Variants in ZSCAN25 observed in about 807,000 individuals in gnomAD.
ZSCAN25 encodes the protein zinc finger and SCAN domain containing 25.
ZSCAN25 carries 27 observed loss-of-function variants against 38.7 expected under a neutral mutation model. The observed-to-expected ratio is 0.70, with a 90% confidence interval of 0.51 to 0.96. The LOEUF is 0.96. ZSCAN25 is among the 40% of genes least tolerant of loss of function. ZSCAN25 has a pLI of 0.00. For synonymous variants in ZSCAN25, 273 were observed against 277.7 expected (o/e 0.98, Z 0.17); for missense variants, 637 against 705.9 (o/e 0.90, Z 1.11).
the ZSCAN25 span, chr7:99,671,698 A>G: frequency 1.6e-6 from 1 of 633,362 alleles, no homozygotes; most frequent in Non-Finnish European, 2.8e-6. Context: ...TAACACCAAA[A>G]GAACAATCCA....
At chr7:99,709,393 A>G in the ZSCAN25 span, 1 of 1,375,596 alleles carries the variant, frequency 7.3e-7, no homozygotes. Flanking sequence ...TAGCATTCAT[A>G]AAGTATTTTA....
chr7:99,714,041 C>T, the ZSCAN25 span, among the ~76,000 whole-genome samples: 1 of 152,162 alleles, frequency 6.6e-6, no homozygotes, highest in Admixed American at 6.5e-5. Context: ...GCCTTGCAGC[C>T]TCAATTCCCA....
In ZSCAN25 at chr7:99,630,022, C is replaced by T; in HGVS notation, c.*2C>T. ...CGCCAGGAGCCGCTGGTGCAGTGAG[C>T]ATAGCAGGTGGCAGGCAGCACCATC... On this transcript the variant is annotated 3_prime_UTR_variant, in exon 8 of 8. Transcript: ENST00000394152. The T allele has an allele frequency of 6.5e-7, 1 of 1,528,608 alleles. No individual in the cohort carries two copies. Among genetic ancestry groups the T allele is most frequent in the Non-Finnish European group, 8.8e-7 (1 of 1,137,454 alleles). The allele number at this position is 1,528,608 out of a possible 1,614,324, so 94.7% of individuals were successfully genotyped here.
the ZSCAN25 span, chr7:99,679,797 C>G: frequency 4.3e-6 from 7 of 1,612,182 alleles, 1 homozygote; most frequent in African/African-American, 5.3e-5. Flanking sequence ...TCCAAGGAAA[C>G]AAAGAGAGGA....
the ZSCAN25 span, among the ~76,000 whole-genome samples, chr7:99,650,887 C>G: frequency 6.6e-6 from 1 of 152,180 alleles, no homozygotes; most frequent in East Asian, 1.9e-4. Context: ...GTCATCCCTG[C>G]TTTCCTTGAT....
At chr7:99,711,133 G>A in the ZSCAN25 span, among the ~76,000 whole-genome samples, 2 of 152,076 alleles carry the variant, frequency 1.3e-5, no homozygotes, top group Admixed American at 6.6e-5. Context: ...GCTCCTCCTC[G>A]TGCCATCCCT....
chr7:99,723,485 G>A, the ZSCAN25 span, among the ~76,000 whole-genome samples: 4 of 152,116 alleles, frequency 2.6e-5, no homozygotes, highest in Non-Finnish European at 4.4e-5. Context: ...ACTCCTTTTC[G>A]GACTCAGTCA....
chr7:99,706,924 A>G, the ZSCAN25 span, among the ~76,000 whole-genome samples: 1 of 152,222 alleles, frequency 6.6e-6, no homozygotes, highest in African/African-American at 2.4e-5. Context: ...GGAGGGGGGA[A>G]GACATTCTTA....
intron 4 of ZSCAN25, chr7:99,621,140 C>T (rs1016798857): frequency 5.5e-6 from 2 of 360,454 alleles, no homozygotes; most frequent in Non-Finnish European, 9.8e-6. Context: ...GTAGAGGGGA[C>T]CCTTGTCAAA....
the ZSCAN25 span, among the ~76,000 whole-genome samples, chr7:99,650,752 C>T: frequency 2.6e-5 from 4 of 152,168 alleles, no homozygotes; most frequent in Non-Finnish European, 5.9e-5. Flanking sequence ...TCCTCTGCCT[C>T]CTTCTCCTCC....
At chr7:99,670,554 A>G in the ZSCAN25 span, among the ~76,000 whole-genome samples, 2 of 152,212 alleles carry the variant, frequency 1.3e-5, no homozygotes, top group African/African-American at 2.4e-5. Flanking sequence ...GTCGACATAT[A>G]TATGTTACCT....
chr7:99,667,489 A>G, the ZSCAN25 span, among the ~76,000 whole-genome samples: 1 of 152,246 alleles, frequency 6.6e-6, no homozygotes, highest in Non-Finnish European at 1.5e-5. Context: ...AGCATGGGCA[A>G]CTTGAAAAAG....
At chr7:99,670,651 T>C in the ZSCAN25 span, among the ~76,000 whole-genome samples, 1 of 152,234 alleles carries the variant, frequency 6.6e-6, no homozygotes, top group Admixed American at 6.5e-5. Flanking sequence ...TGGACTTTTG[T>C]AAGACCTGTC....
downstream of ZSCAN25, among the ~76,000 whole-genome samples, chr7:99,634,367 G>A (rs1433756299): frequency 6.6e-6 from 1 of 152,180 alleles, no homozygotes; most frequent in Non-Finnish European, 1.5e-5. Flanking sequence ...AAATAAGCTG[G>A]TTTCAGCCAG....
chr7:99,720,563 C>T, the ZSCAN25 span: 1 of 834,664 alleles, frequency 1.2e-6, no homozygotes, highest in South Asian at 1.7e-5. Flanking sequence ...TTAGGTATAA[C>T]TCACAGCAAG....
the ZSCAN25 span, chr7:99,714,405 C>A: frequency 3.0e-6 from 4 of 1,315,906 alleles, no homozygotes; most frequent in Non-Finnish European, 3.0e-6. Context: ...TTCTGCATTC[C>A]TACCAAATGA....
the ZSCAN25 span, among the ~76,000 whole-genome samples, chr7:99,677,900 A>G: frequency 6.7e-6 from 1 of 148,900 alleles, no homozygotes; most frequent in Non-Finnish European, 1.5e-5. Flanking sequence ...GCCCCCAAGG[A>G]AAGATCTTGG....
chr7:99,676,662 A>T, the ZSCAN25 span: 1 of 759,750 alleles, frequency 1.3e-6, no homozygotes, highest in Non-Finnish European at 2.1e-6. Flanking sequence ...ACAGAGGGTC[A>T]CTGGGAGCCT....
chr7:99,626,897 C>A (rs573257749), intron 7 of ZSCAN25, among the ~76,000 whole-genome samples: 37 of 152,218 alleles, frequency 2.4e-4, no homozygotes, highest in Non-Finnish European at 4.4e-4. Flanking sequence ...GTGCAGCACT[C>A]AAAACGGGTT....
Sources: gnomAD v4.1 joint callset for allele counts (sites outside exome capture counted in the v4.1 genomes callset) on GRCh38, gnomAD v4.1.1 for gene constraint, MANE v1.5 for transcripts, NCBI Gene and HGNC (gene_info 2026-07-23, HGNC 2026-07-21) for gene names.